The following ADGB variants were observed in gnomAD, a reference collection of about 807,000 sequenced individuals.
ADGB encodes androglobin, also known as calpain-7-like protein.
Under a neutral mutation model 210.5 loss-of-function variants are expected in ADGB, and 172 were observed. The ratio of observed to expected loss-of-function variants is 0.82; its 90% CI spans 0.72 to 0.93. The LOEUF is 0.93. Among genes scored for constraint, ADGB ranks in the 40% least tolerant of loss-of-function variants. The pLI is 0.00. For synonymous variants in ADGB, 658 were observed against 662.7 expected, an observed-to-expected ratio of 0.99 and a Z score of 0.11; for missense variants, 2,025 against 1,964.8, an observed-to-expected ratio of 1.03 and a Z score of -0.58.
chr6:146,740,401 G>C, intron 23 of ADGB, 58 bp from the exon 24 acceptor site: 1 of 1,373,038 alleles, frequency 7.3e-7, no homozygotes, highest in Non-Finnish European at 9.8e-7. Context: ...TTTGTAAATA[G>C]AGTTTATCTT....
chr6:146,801,938 G>A lies in ADGB; in HGVS notation c.4745G>A (p.Ser1582Asn). Reference protein sequence around the residue: ...QFRQHRTRVLSIRNIDQEERL... With the variant: ...QFRQHRTRVLNIRNIDQEERL... ...CGACAGCATAGGACCAGAGTCCTTA[G>A]CATTCGAAACATTGACCAAGAAGAG... The change falls in exon 35 of 36, where the codon AGC becomes AAC. Residue 1582 changes from serine (S) to asparagine (N), a missense_variant. Transcript: ENST00000397944. The A allele has an allele frequency of 6.4e-7, 1 of 1,550,830 alleles. No individual in the cohort carries two copies. Among genetic ancestry groups the A allele is most frequent in the Non-Finnish European group, 8.7e-7 (1 of 1,146,634 alleles).
At chr6:146,648,267 G>C (rs1191015909) in intron 3 of ADGB, among the ~76,000 whole-genome samples, 1 of 151,608 alleles carries the variant, frequency 6.6e-6, no homozygotes, top group Non-Finnish European at 1.5e-5. Flanking sequence ...GCCCAGGCTG[G>C]TCTTGAACTC....
At chr6:146,662,360 T>C (rs1775873220) in intron 5 of ADGB, among the ~76,000 whole-genome samples, 1 of 152,180 alleles carries the variant, frequency 6.6e-6, no homozygotes, top group Non-Finnish European at 1.5e-5. Context: ...TAATTTCTAT[T>C]GATCTAATGT....
At chr6:146,798,438 G>T (rs977339192) in intron 33 of ADGB, among the ~76,000 whole-genome samples, 4 of 152,084 alleles carry the variant, frequency 2.6e-5, no homozygotes, top group Non-Finnish European at 5.9e-5. Flanking sequence ...ACCGATAAAG[G>T]CTAGTTATGA....
At chr6:146,639,524 G>A (rs1163312098) in intron 2 of ADGB, among the ~76,000 whole-genome samples, 2 of 151,930 alleles carry the variant, frequency 1.3e-5, no homozygotes, top group Admixed American at 1.3e-4. Flanking sequence ...GTCAGCCAGA[G>A]AAATCAGGTA....
chr6:146,637,526 T>C (rs1444479873), intron 2 of ADGB, among the ~76,000 whole-genome samples: 1 of 151,914 alleles, frequency 6.6e-6, no homozygotes, highest in Non-Finnish European at 1.5e-5. Flanking sequence ...TTTAGGAACA[T>C]CAAGGTAAAG....
At chr6:146,805,496 A>C (rs1778197464) in intron 35 of ADGB, among the ~76,000 whole-genome samples, 1 of 152,246 alleles carries the variant, frequency 6.6e-6, no homozygotes, top group Non-Finnish European at 1.5e-5. Flanking sequence ...TTTAAAATGA[A>C]GGTAGAATTA....
At chr6:146,661,220 C>CTTTTT (rs5880682) in intron 5 of ADGB, among the ~76,000 whole-genome samples, 1 of 116,066 alleles carries the variant, frequency 8.6e-6, no homozygotes, top group Non-Finnish European at 1.7e-5. Context: ...TTCTTTTTTT[C>CTTTTT]TTTTTTTTTT....
At chr6:146,764,700 CTATTT>C (rs1192031202) in intron 28 of ADGB, among the ~76,000 whole-genome samples, 6 of 152,230 alleles carry the variant, frequency 3.9e-5, no homozygotes, top group Non-Finnish European at 8.8e-5. Context: ...TAAGATCTAA[CTATTT>C]TAAACAAACT....
chr6:146,665,528 A>G (rs73004159), intron 6 of ADGB, among the ~76,000 whole-genome samples: 2,886 of 152,218 alleles, frequency 0.019, 44 homozygotes, highest in Non-Finnish European at 0.028. Flanking sequence ...GTTCTCAGAC[A>G]TAACTTGAAG....
At chr6:146,660,902 G>A (rs1221651822) in intron 5 of ADGB, among the ~76,000 whole-genome samples, 1 of 148,496 alleles carries the variant, frequency 6.7e-6, no homozygotes, top group East Asian at 1.9e-4. Flanking sequence ...TTTATTCTTT[G>A]TTTGTTCTTT....
At chr6:146,779,078 A>AC (rs3065929) in intron 29 of ADGB, among the ~76,000 whole-genome samples, 4 of 151,860 alleles carry the variant, frequency 2.6e-5, no homozygotes, top group Non-Finnish European at 5.9e-5. Context: ...AAAAAAAAAA[A>AC]CAGCCAATAT....
intron 2 of ADGB, among the ~76,000 whole-genome samples, chr6:146,644,275 A>G (rs1328980632): frequency 2.0e-5 from 3 of 152,044 alleles, no homozygotes; most frequent in South Asian, 4.1e-4. Flanking sequence ...ATCTTAAAGG[A>G]AAGAAATTAA....
At chr6:146,798,387 G>A (rs1355471089) in intron 33 of ADGB, among the ~76,000 whole-genome samples, 1 of 152,082 alleles carries the variant, frequency 6.6e-6, no homozygotes, top group Non-Finnish European at 1.5e-5. Context: ...AACAAAGAAA[G>A]AAACTCACAA....
intron 26 of ADGB, 91 bp downstream of exon 26, chr6:146,746,200 G>A (rs1433760965): frequency 1.8e-5 from 17 of 943,550 alleles, no homozygotes; most frequent in South Asian, 1.2e-4. Context: ...ATCCTGAGTC[G>A]GTTTTGAATT....
chr6:146,792,751 C>T (rs1471335770), intron 33 of ADGB, among the ~76,000 whole-genome samples: 2 of 152,142 alleles, frequency 1.3e-5, no homozygotes, highest in Non-Finnish European at 2.9e-5. Flanking sequence ...TAAAAGTCAG[C>T]AGGAAAGGAG....
intron 9 of ADGB, among the ~76,000 whole-genome samples, chr6:146,680,563 T>C (rs1203808631): frequency 6.6e-6 from 1 of 152,088 alleles, no homozygotes; most frequent in Non-Finnish European, 1.5e-5. Context: ...TATCTCAAGC[T>C]TGAGGAAACC....
At chr6:146,752,757 G>T in intron 27 of ADGB, 43 bp downstream of exon 27, 1 of 1,426,364 alleles carries the variant, frequency 7.0e-7, no homozygotes, top group South Asian at 1.6e-5. Context: ...TTCATAAATG[G>T]ATATTTATGT....
At chr6:146,784,862 C>A in intron 31 of ADGB, 68 bp downstream of exon 31, 1 of 1,449,664 alleles carries the variant, frequency 6.9e-7, no homozygotes. Context: ...AAAAAATAGT[C>A]ATGCTGGTAA....
Sources: gnomAD v4.1 joint callset for allele counts (sites outside exome capture counted in the v4.1 genomes callset) on GRCh38, gnomAD v4.1.1 for gene constraint, MANE v1.5 for transcripts, NCBI Gene and HGNC (gene_info 2026-07-23, HGNC 2026-07-21) for gene names.